Variants in ITPKB observed in about 807,000 individuals in gnomAD.
The protein encoded by ITPKB is IP3 3-kinase B.
In ITPKB, 13 loss-of-function variants were observed where a neutral mutation model predicts 69.4. The observed-to-expected ratio is 0.19, with a 90% CI of 0.12 to 0.30. ITPKB has a LOEUF of 0.30. ITPKB is among the 10% of genes least tolerant of loss of function. The pLI is 1.00. For missense variants in ITPKB, 1,240 were observed against 1,250.5 expected (o/e 0.99, Z 0.13); for synonymous variants, 584 against 513.7 (o/e 1.14, Z -1.85).
In ITPKB at chr1:226,642,094, G is replaced by C. The variant is rs200871560; in HGVS notation, c.2278C>G (p.Arg760Gly). The change falls in exon 5 of 8, where the codon CGG (arginine) becomes GGG (glycine). Residue 760 changes from arginine (R) to glycine (G), a missense_variant. Arg to Gly is a moderately radical substitution (Grantham distance 125). Transcript: ENST00000429204. The surrounding 1 kb of genome is among the most constrained non-coding windows in gnomAD (Gnocchi z 6.4). ...TCCTTCCGCAGGCTGGGCTTCTTCC[G>C]GGCCTTCGTGAGCTCCTCCTCCAGG... ...TYLEEELTKARKKPSLRKDMY... is the reference protein window; with the variant it reads ...TYLEEELTKAGKKPSLRKDMY... 6.2e-7 allele frequency: 1 copy of C among 1,613,828 alleles called. No individual in the cohort carries two copies. Among genetic ancestry groups the C allele is most frequent in the South Asian group, 1.1e-5 (1 of 91,080 alleles).
At chr1:226,635,869 AC>A (rs1668826774) in intron 7 of ITPKB, among the ~76,000 whole-genome samples, 1 of 152,180 alleles carries the variant, frequency 6.6e-6, no homozygotes, top group Non-Finnish European at 1.5e-5. Flanking sequence ...GGCCACACAT[AC>A]CCCTGCATCA....
chr1:226,713,445 G>A (rs1204826175), intron 2 of ITPKB, among the ~76,000 whole-genome samples: 2 of 152,142 alleles, frequency 1.3e-5, no homozygotes, highest in African/African-American at 4.8e-5. Context: ...CTCTGTCAAG[G>A]GGCGACAAGG....
At chr1:226,658,925 A>G (rs753345483) in intron 2 of ITPKB, among the ~76,000 whole-genome samples, 19 of 152,140 alleles carry the variant, frequency 1.2e-4, no homozygotes, top group Non-Finnish European at 2.2e-4. Context: ...CTAGCTAGCT[A>G]AACTAGCTCC....
intron 2 of ITPKB, among the ~76,000 whole-genome samples, chr1:226,726,722 C>T (rs1295370220): frequency 6.6e-6 from 1 of 151,984 alleles, no homozygotes; most frequent in African/African-American, 2.4e-5. Flanking sequence ...CGTTCAGCGG[C>T]CGCATATAGA....
At chr1:226,674,490 C>A (rs1283317520) in intron 2 of ITPKB, among the ~76,000 whole-genome samples, 1 of 152,034 alleles carries the variant, frequency 6.6e-6, no homozygotes, top group Non-Finnish European at 1.5e-5. Flanking sequence ...AGCCACTGTG[C>A]CTGGCCTAAT....
chr1:226,650,472 G>A (rs1005125935), intron 2 of ITPKB, among the ~76,000 whole-genome samples: 17 of 152,252 alleles, frequency 1.1e-4, no homozygotes, highest in African/African-American at 4.1e-4. Flanking sequence ...AGAGCCAGCG[G>A]AGGCATTTCT....
chr1:226,727,157 C>T (rs990134870), intron 2 of ITPKB, among the ~76,000 whole-genome samples: 14 of 152,166 alleles, frequency 9.2e-5, no homozygotes, highest in African/African-American at 2.9e-4. Flanking sequence ...AGATAGCTAA[C>T]GCGTAAGAGC....
intron 2 of ITPKB, among the ~76,000 whole-genome samples, chr1:226,699,975 T>G (rs1231938714): frequency 6.6e-6 from 1 of 152,138 alleles, no homozygotes; most frequent in Non-Finnish European, 1.5e-5. Flanking sequence ...GCAGGAAGGA[T>G]CCAGCAAGGG....
chr1:226,644,053 G>A (rs1208650096), intron 4 of ITPKB, among the ~76,000 whole-genome samples: 1 of 152,248 alleles, frequency 6.6e-6, no homozygotes, highest in African/African-American at 2.4e-5. Flanking sequence ...CGCATGGTGG[G>A]TGGCTGCACT....
chr1:226,733,996 G>C (rs561391286), intron 2 of ITPKB, among the ~76,000 whole-genome samples: 1 of 152,348 alleles, frequency 6.6e-6, no homozygotes, highest in African/African-American at 2.4e-5. Context: ...TGCTTCAGGA[G>C]TTCAAAAGCA....
Position 226,735,651 on chromosome 1 carries a change from G to A in ITPKB, c.1808C>T (p.Ala603Val). Reference sequence around the variant, plus strand: ...GGATGAGGAGAAGCCCGTGGAGGAGGCCGAGGAAGAGGACAGTTTCCTCAG... The same window carrying A: ...GGATGAGGAGAAGCCCGTGGAGGAGACCGAGGAAGAGGACAGTTTCCTCAG... ...LPLRKLSSSS[A>V]SSTGFSSSYE... The change falls in exon 2 of 8, where the codon GCC (alanine) becomes GTC (valine). Residue 603 changes from alanine (A) to valine (V), a missense_variant. By Grantham distance (64) the Ala-to-Val change is moderately conservative. Coordinates refer to ENST00000429204, the MANE Select transcript of ITPKB (RefSeq NM_002221.4). 6.2e-7 allele frequency: 1 copy of A among 1,612,094 alleles called. No individual in the cohort carries two copies. Among genetic ancestry groups the A allele is most frequent in the Non-Finnish European group, 8.5e-7 (1 of 1,178,866 alleles).
chr1:226,732,579 C>A (rs12027092), intron 2 of ITPKB, among the ~76,000 whole-genome samples: 27,941 of 145,138 alleles, frequency 0.19, 2,771 homozygotes, highest in Middle Eastern at 0.35. Flanking sequence ...ACTGACAGAA[C>A]AATTTTGAAA....
chr1:226,662,342 A>G (rs748159227), intron 2 of ITPKB, among the ~76,000 whole-genome samples: 1 of 152,152 alleles, frequency 6.6e-6, no homozygotes, highest in Admixed American at 6.5e-5. Flanking sequence ...TCTCTCCCCA[A>G]AGCTCTCCCA....
intron 7 of ITPKB, among the ~76,000 whole-genome samples, chr1:226,636,969 ATGTG>A (rs1326957497): frequency 1.3e-5 from 2 of 151,766 alleles, no homozygotes; most frequent in East Asian, 3.9e-4. Flanking sequence ...TGATTTGTGA[ATGTG>A]TGTGCATGTA....
At position 226,728,768 on chromosome 1, in the gene ITPKB, CACTT is replaced by C. The variant is rs145973562; in HGVS notation, c.1932+6755_1932+6758del. ...GAACGCTCACCACTCCATGAGGTCA[CACTT>C]ACTCTCCCCATTTTTCAGAGAGCTT... On this transcript the variant is annotated intron_variant, in intron 2 of 7. Transcript: ENST00000429204. Among the ~76,000 whole-genome samples the C allele has an allele frequency of 5.1e-3, 772 of 152,294 alleles. 19 individuals carry two copies. Among genetic ancestry groups the C allele is most frequent in the Admixed American group, 0.037 (569 of 15,304 alleles).
chr1:226,679,689 T>C (rs183353530), intron 2 of ITPKB, among the ~76,000 whole-genome samples: 3 of 152,374 alleles, frequency 2.0e-5, no homozygotes, highest in African/African-American at 7.2e-5. Flanking sequence ...GCAGTATTTT[T>C]AATGTTAGGA....
chr1:226,633,539 A>G lies in ITPKB; in HGVS notation c.*1132T>C, dbSNP rs1361334929. On this transcript the variant is annotated 3_prime_UTR_variant, in exon 8 of 8. Coordinates refer to ENST00000429204, the MANE Select transcript of ITPKB (RefSeq NM_002221.4). Reference sequence around the variant, plus strand: ...AGAGGTGCCTGGAGCACGCCCTGGCATCCACCACATACCCTACAAGATACC... The same window carrying G: ...AGAGGTGCCTGGAGCACGCCCTGGCGTCCACCACATACCCTACAAGATACC... 7 of 152,234 alleles carry G rather than the reference A, an allele frequency of 4.6e-5. No homozygotes were observed. The highest frequency in any genetic ancestry group is 8.8e-5 in the Non-Finnish European group (6 of 68,040). The allele number at this position is 152,234 out of a possible 1,614,324, so 9.4% of individuals were successfully genotyped here.
chr1:226,727,962 G>A (rs1196905916), intron 2 of ITPKB, among the ~76,000 whole-genome samples: 1 of 152,138 alleles, frequency 6.6e-6, no homozygotes, highest in Non-Finnish European at 1.5e-5. Flanking sequence ...TACCACAAAA[G>A]TAAAATGCTA....
chr1:226,673,094 G>A (rs184053898), intron 2 of ITPKB, among the ~76,000 whole-genome samples: 7 of 152,030 alleles, frequency 4.6e-5, no homozygotes, highest in Admixed American at 1.3e-4. Flanking sequence ...GGGATGGGCC[G>A]GATGCAGTAG....
Sources: gnomAD v4.1 joint callset for allele counts (sites outside exome capture counted in the v4.1 genomes callset) on GRCh38, gnomAD v4.1.1 for gene constraint, Gnocchi (gnomAD v3.1) non-coding constraint, MANE v1.5 for transcripts, NCBI Gene and HGNC (gene_info 2026-07-23, HGNC 2026-07-21) for gene names.